The following ESRRG variants were observed in gnomAD, a reference collection of about 807,000 sequenced individuals.
The protein encoded by ESRRG is estrogen-related receptor gamma.
In ESRRG, 13 loss-of-function variants were observed where a neutral mutation model predicts 44.0. The ratio of observed to expected loss-of-function variants is 0.30; its 90% CI spans 0.19 to 0.47. ESRRG has a LOEUF of 0.47. ESRRG is among the 20% of genes least tolerant of loss of function. The pLI is 1.00. For synonymous variants in ESRRG, 215 were observed against 214.6 expected (o/e 1.00, Z -0.02); for missense variants, 395 against 580.6 (o/e 0.68, Z 3.29).
At chr1:217,081,447 G>C (rs369887947) in intron 1 of ESRRG, among the ~76,000 whole-genome samples, 1 of 151,658 alleles carries the variant, frequency 6.6e-6, no homozygotes, top group Non-Finnish European at 1.5e-5. Context: ...GGCTGGTCTC[G>C]AACTCCCGAC....
intron 2 of ESRRG, among the ~76,000 whole-genome samples, chr1:216,915,288 C>G (rs2149648980): frequency 6.6e-6 from 1 of 152,302 alleles, no homozygotes; most frequent in African/African-American, 2.4e-5. Flanking sequence ...CACTGCTCTG[C>G]ATCTGAAAGG....
At chr1:216,722,069 T>C (rs543625407) in intron 1 of ESRRG, among the ~76,000 whole-genome samples, 6 of 152,064 alleles carry the variant, frequency 3.9e-5, no homozygotes. Flanking sequence ...CAAGTCACTT[T>C]TCATCTCTTA....
intron 2 of ESRRG, among the ~76,000 whole-genome samples, chr1:216,794,078 G>A (rs2094406793): frequency 6.6e-6 from 1 of 151,602 alleles, no homozygotes; most frequent in Admixed American, 6.6e-5. Flanking sequence ...ACCATTAAGA[G>A]TTCAATATAA....
intron 2 of ESRRG, among the ~76,000 whole-genome samples, chr1:216,918,612 A>G (rs746086388): frequency 1.3e-4 from 20 of 152,042 alleles, no homozygotes; most frequent in Non-Finnish European, 2.1e-4. Context: ...ACTTTTCACT[A>G]TGAGATTTAA....
At chr1:216,781,242 G>T (rs1397927878) in intron 2 of ESRRG, among the ~76,000 whole-genome samples, 1 of 151,800 alleles carries the variant, frequency 6.6e-6, no homozygotes, top group African/African-American at 2.4e-5. Flanking sequence ...GACAGGCACT[G>T]TGTGCAGTGC....
intron 4 of ESRRG, among the ~76,000 whole-genome samples, chr1:216,565,608 T>A (rs1237257667): frequency 1.3e-5 from 2 of 152,184 alleles, no homozygotes; most frequent in African/African-American, 4.8e-5. Context: ...ATTAGCACTT[T>A]TTCTAACATA....
intron 1 of ESRRG, among the ~76,000 whole-genome samples, chr1:217,099,342 G>A (rs1032859261): frequency 7.4e-5 from 11 of 148,326 alleles, no homozygotes; most frequent in African/African-American, 2.7e-4. Flanking sequence ...GAAAAATAAA[G>A]TGAGAATAAC....
At chr1:216,815,586 G>T (rs1275696306) in intron 2 of ESRRG, among the ~76,000 whole-genome samples, 2 of 152,150 alleles carry the variant, frequency 1.3e-5, no homozygotes, top group Non-Finnish European at 2.9e-5. Context: ...CCGGGCTCAG[G>T]CCTCCCTGGC....
chr1:216,534,207 G>T (rs2050229496), intron 5 of ESRRG, among the ~76,000 whole-genome samples: 1 of 152,132 alleles, frequency 6.6e-6, no homozygotes, highest in African/African-American at 2.4e-5. Context: ...ATTCACTCCA[G>T]AATGGGGTGG....
chr1:216,728,580 A>G (rs2088038679), intron 2 of ESRRG, among the ~76,000 whole-genome samples: 1 of 152,066 alleles, frequency 6.6e-6, no homozygotes. Context: ...TAAGCAATCC[A>G]TGCTTTGATA....
At chr1:216,856,040 G>C (rs1443392614) in intron 2 of ESRRG, among the ~76,000 whole-genome samples, 1 of 151,708 alleles carries the variant, frequency 6.6e-6, no homozygotes, top group Non-Finnish European at 1.5e-5. Flanking sequence ...CAAAAGAGGT[G>C]ACCTACTACC....
intron 1 of ESRRG, among the ~76,000 whole-genome samples, chr1:217,118,209 A>C (rs1252272848): frequency 6.6e-6 from 1 of 152,230 alleles, no homozygotes; most frequent in Non-Finnish European, 1.5e-5. Flanking sequence ...ACCACTAGTA[A>C]ATAGCTAAGG....
intron 6 of ESRRG, among the ~76,000 whole-genome samples, chr1:216,516,248 A>G (rs1448506080): frequency 4.6e-5 from 7 of 152,140 alleles, no homozygotes; most frequent in Non-Finnish European, 1.0e-4. Context: ...AGGGTTTTCA[A>G]AGATTTGAAT....
At chr1:216,565,620 C>T (rs536304028) in intron 4 of ESRRG, among the ~76,000 whole-genome samples, 1 of 152,208 alleles carries the variant, frequency 6.6e-6, no homozygotes, top group African/African-American at 2.4e-5. Context: ...TCTAACATAA[C>T]ATTTAAACAT....
intron 2 of ESRRG, among the ~76,000 whole-genome samples, chr1:216,666,079 T>C (rs1025636415): frequency 1.4e-4 from 22 of 152,182 alleles, no homozygotes; most frequent in Non-Finnish European, 4.4e-5. Context: ...CACCCAGCCA[T>C]ACCTCATGAG....
chr1:216,850,643 AAT>A (rs1223982735), intron 2 of ESRRG, among the ~76,000 whole-genome samples: 2 of 152,118 alleles, frequency 1.3e-5, no homozygotes, highest in Non-Finnish European at 2.9e-5. Flanking sequence ...ATGACATTTA[AAT>A]ATATGCAAAA....
At chr1:216,974,797 C>T (rs2150329351) in intron 1 of ESRRG, among the ~76,000 whole-genome samples, 1 of 151,822 alleles carries the variant, frequency 6.6e-6, no homozygotes, top group South Asian at 2.1e-4. Context: ...CCCTCCCCAC[C>T]CCCAGACTTT....
intron 2 of ESRRG, among the ~76,000 whole-genome samples, chr1:216,909,677 G>C (rs1296201407): frequency 3.3e-5 from 5 of 152,048 alleles, no homozygotes; most frequent in Non-Finnish European, 5.9e-5. Flanking sequence ...GAGCCACCGT[G>C]CCCGGCCTCC....
At chr1:217,105,963 C>T (rs993147837) in intron 1 of ESRRG, among the ~76,000 whole-genome samples, 7 of 152,300 alleles carry the variant, frequency 4.6e-5, no homozygotes, top group Middle Eastern at 3.4e-3. Flanking sequence ...GTAATTATCA[C>T]TTTAAAAACT....
Sources: gnomAD v4.1 joint callset for allele counts (sites outside exome capture counted in the v4.1 genomes callset) on GRCh38, gnomAD v4.1.1 for gene constraint, MANE v1.5 for transcripts, NCBI Gene and HGNC (gene_info 2026-07-23, HGNC 2026-07-21) for gene names.